The following PITPNC1 variants were observed in gnomAD, a reference collection of about 807,000 sequenced individuals.
PITPNC1 encodes cytoplasmic phosphatidylinositol transfer protein 1.
Under a neutral mutation model 44.7 loss-of-function variants are expected in PITPNC1, and 18 were observed. The ratio of observed to expected loss-of-function variants is 0.40; its 90% CI spans 0.28 to 0.60. The LOEUF is 0.60. PITPNC1 is among the 20% of genes least tolerant of loss of function. The pLI, the probability that PITPNC1 is intolerant of heterozygous loss-of-function variation, is 0.39. For missense variants in PITPNC1, 290 were observed against 418.4 expected, an observed-to-expected ratio of 0.69 and a Z score of 2.68; for synonymous variants, 141 against 149.6, an observed-to-expected ratio of 0.94 and a Z score of 0.42.
chr17:67,577,496 G>A (rs1176037208), intron 4 of PITPNC1, among the ~76,000 whole-genome samples: 2 of 151,878 alleles, frequency 1.3e-5, no homozygotes, highest in East Asian at 3.8e-4. Flanking sequence ...GGGAGGTGGA[G>A]GTTGCAGTGA....
At position 67,669,644 on chromosome 17, in the gene PITPNC1, T is replaced by C. The variant is rs1156663670; in HGVS notation, c.599T>C (p.Val200Ala). The C allele has an allele frequency of 6.3e-7, 1 of 1,596,762 alleles. No homozygotes were observed. Among genetic ancestry groups the C allele is most frequent in the Non-Finnish European group, 8.5e-7 (1 of 1,171,546 alleles). ...GAGGTCTGGGGGCTTCAGACCAGAG[T>C]GGAACAATTTGTACACAAGGTAAGT... is the stretch of plus-strand genomic sequence containing the variant. ...KFEVWGLQTRVEQFVHKVVRD... is the reference protein window; with the variant it reads ...KFEVWGLQTRAEQFVHKVVRD... Residue 200 changes from valine to alanine, a missense_variant, in exon 7 of 9, where the codon GTG becomes GCG. Physicochemically the swap from Val to Ala is moderately conservative, Grantham distance 64. Coordinates refer to ENST00000581322, the MANE Select transcript of PITPNC1 (RefSeq NM_012417.4).
intron 4 of PITPNC1, among the ~76,000 whole-genome samples, chr17:67,559,386 A>G (rs1035772109): frequency 6.6e-6 from 1 of 152,240 alleles, no homozygotes. Context: ...CTTTGAGGCC[A>G]TGGAGTCAGG....
chr17:67,640,883 C>T (rs949236851), intron 6 of PITPNC1, among the ~76,000 whole-genome samples: 8 of 149,162 alleles, frequency 5.4e-5, no homozygotes, highest in East Asian at 4.0e-4. Context: ...CCAGCTACTC[C>T]GGAGGCTGAG....
chr17:67,393,268 G>T (rs1022773149), intron 1 of PITPNC1, among the ~76,000 whole-genome samples: 1 of 152,050 alleles, frequency 6.6e-6, no homozygotes, highest in Non-Finnish European at 1.5e-5. Flanking sequence ...CCCATCTTCA[G>T]AACAGTTTTC....
Position 67,676,529 on chromosome 17 carries a change from C to T in PITPNC1, c.682+987C>T, listed in dbSNP as rs1041699886. Among the ~76,000 whole-genome samples the T allele has an allele frequency of 2.6e-5, 4 of 152,112 alleles. No individual in the cohort carries two copies. Among genetic ancestry groups the T allele is most frequent in the East Asian group, 1.9e-4 (1 of 5,182 alleles). On this transcript the variant is annotated intron_variant, in intron 8 of 8. Coordinates refer to ENST00000581322, the MANE Select transcript of PITPNC1 (RefSeq NM_012417.4). This position sits in a 1 kb window ranked among gnomAD's most constrained non-coding sequence, Gnocchi z 4.0. The stretch of plus-strand genomic sequence containing the variant: ...CCTTGGCTATAAATAGAAAGGAACA[C>T]GCCCCACCGGTGACTTAGGTTAGAT...
At chr17:67,583,897 T>TGTGTGTGTGTGTGTGTGTG (rs1568052082) in intron 5 of PITPNC1, among the ~76,000 whole-genome samples, 5 of 106,388 alleles carry the variant, frequency 4.7e-5, no homozygotes, top group African/African-American at 1.7e-4. Context: ...GTGTGTGTGT[T>TGTGTGTGTGTGTGTGTGTG]TGTGTGTGTG....
chr17:67,513,489 GTATATA>G (rs571272051), intron 1 of PITPNC1, among the ~76,000 whole-genome samples: 1,475 of 138,646 alleles, frequency 0.011, 23 homozygotes, highest in African/African-American at 0.037. Context: ...GTGTGTGTGT[GTATATA>G]TATATATATA....
rs755116394 is a variant in PITPNC1, at chr17:67,532,857, G to A, written c.104G>A (p.Arg35Gln). ...AAACACAGCCATGAACAGAGTGACC[G>A]GGGAGAAGGGGTGGAGGTCGTCCAG... The part of the protein sequence containing the change: ...ISKHSHEQSD[R>Q]GEGVEVVQNE... The change falls in exon 2 of 9, where the codon CGG (arginine) becomes CAG (glutamine). Residue 35 changes from arginine to glutamine, a missense_variant. Arg to Gln is a conservative substitution (Grantham distance 43). Coordinates refer to ENST00000581322, the MANE Select transcript of PITPNC1 (RefSeq NM_012417.4). 16 of 1,596,246 alleles carry A rather than the reference G, an allele frequency of 1.0e-5. No individual in the cohort carries two copies. Among genetic ancestry groups the A allele is most frequent in the African/African-American group, 4.0e-5 (3 of 74,536 alleles).
chr17:67,608,048 T>TA (rs752116593), intron 5 of PITPNC1, among the ~76,000 whole-genome samples: 1 of 152,012 alleles, frequency 6.6e-6, no homozygotes, highest in Non-Finnish European at 1.5e-5. Context: ...TACCCTTGAA[T>TA]ACTTCATTGC....
At chr17:67,575,815 T>TTCC (rs2041135987) in intron 4 of PITPNC1, among the ~76,000 whole-genome samples, 2 of 101,116 alleles carry the variant, frequency 2.0e-5, no homozygotes, top group African/African-American at 6.6e-5. Context: ...TCTTTCTTTC[T>TTCC]TTCTTTCCTT....
chr17:67,487,585 G>A (rs1340982434), intron 1 of PITPNC1, among the ~76,000 whole-genome samples: 2 of 152,196 alleles, frequency 1.3e-5, no homozygotes, highest in Non-Finnish European at 2.9e-5. Context: ...ATGCCCAAGT[G>A]AAAGGTGTTT....
intron 2 of PITPNC1, among the ~76,000 whole-genome samples, chr17:67,539,170 G>C (rs1172630342): frequency 1.3e-5 from 2 of 152,126 alleles, no homozygotes; most frequent in African/African-American, 4.8e-5. Flanking sequence ...ATAATGCCAG[G>C]TGTTCACAAA....
chr17:67,428,601 G>A (rs7223424), intron 1 of PITPNC1, among the ~76,000 whole-genome samples: 98,638 of 151,290 alleles, frequency 0.65, 32,536 homozygotes, highest in Middle Eastern at 0.78. Flanking sequence ...GTGACCTGCG[G>A]GTAATGAGAT....
intron 1 of PITPNC1, among the ~76,000 whole-genome samples, chr17:67,484,735 C>T (rs527854584): frequency 8.6e-5 from 13 of 152,026 alleles, no homozygotes; most frequent in Admixed American, 2.6e-4. Context: ...GTCAGGAGTT[C>T]GAGACCAGCC....
At chr17:67,647,031 A>T (rs958744040) in intron 6 of PITPNC1, among the ~76,000 whole-genome samples, 10 of 152,214 alleles carry the variant, frequency 6.6e-5, no homozygotes, top group African/African-American at 2.4e-4. Flanking sequence ...TCTAAGAAAT[A>T]GTTCCCTTCT....
chr17:67,437,490 G>C (rs2038953588), intron 1 of PITPNC1, among the ~76,000 whole-genome samples: 1 of 152,146 alleles, frequency 6.6e-6, no homozygotes, highest in Non-Finnish European at 1.5e-5. Context: ...TTGATTTTGG[G>C]CTTCTACCCT....
At chr17:67,389,675 T>A (rs1346634530) in intron 1 of PITPNC1, among the ~76,000 whole-genome samples, 2 of 151,722 alleles carry the variant, frequency 1.3e-5, no homozygotes, top group African/African-American at 4.9e-5. Flanking sequence ...TGTTTTGTTG[T>A]TGTTGTTGTT....
rs138519992 is a variant in PITPNC1 at position 67,605,004 on chromosome 17, G to A, written c.366+26747G>A. ...TGAGGCAGGAGAATCGTTTGAAACC[G>A]GGAAGCAGAGGTTGCAGTGAGCCGA... is the stretch of plus-strand genomic sequence containing the variant. On this transcript the variant is annotated intron_variant, in intron 5 of 8. Coordinates refer to ENST00000581322, the MANE Select transcript of PITPNC1 (RefSeq NM_012417.4). Among the ~76,000 whole-genome samples, 332 of 151,350 alleles carry A rather than the reference G, an allele frequency of 2.2e-3. 1 individual carries two copies. The highest frequency in any genetic ancestry group is 0.01 in the Middle Eastern group (3 of 286).
rs190002011 is a variant in PITPNC1 at position 67,694,631 on chromosome 17, A to G, written c.*1743A>G. 6.6e-6 allele frequency: 1 copy of G among 152,332 alleles called. No homozygotes were observed. Among genetic ancestry groups the G allele is most frequent in the African/African-American group, 2.4e-5 (1 of 41,574 alleles). The allele number at this position is 152,332 out of a possible 1,614,324, so 9.4% of individuals were successfully genotyped here. ...TTGATATTTAGCTTAAAAAAAAAGAATAAACCTAGAACTCAAAGGAAACCT... is the reference window on the plus strand; with the variant it reads ...TTGATATTTAGCTTAAAAAAAAAGAGTAAACCTAGAACTCAAAGGAAACCT... On this transcript the variant is annotated 3_prime_UTR_variant, in exon 9 of 9. Transcript: ENST00000581322.
Sources: gnomAD v4.1 joint callset for allele counts (sites outside exome capture counted in the v4.1 genomes callset) on GRCh38, gnomAD v4.1.1 for gene constraint, Gnocchi (gnomAD v3.1) non-coding constraint, MANE v1.5 for transcripts, NCBI Gene and HGNC (gene_info 2026-07-23, HGNC 2026-07-21) for gene names.